Variants in KLHL18 observed in about 807,000 individuals in gnomAD.
KLHL18 encodes the protein kelch like family member 18, also known as kelch-like protein 18.
A neutral mutation model predicts 58.5 loss-of-function variants in KLHL18; 38 were observed. The ratio of observed to expected loss-of-function variants is 0.65; its 90% confidence interval spans 0.50 to 0.85. The LOEUF is 0.85. KLHL18 is among the 40% of genes least tolerant of loss of function. The pLI is 0.00. For missense variants in KLHL18, 624 were observed against 778.4 expected (o/e 0.80, Z 2.36); for synonymous variants, 303 against 301.9 (o/e 1.00, Z -0.04).
At chr3:47,339,304 G>A (rs148927754) in intron 7 of KLHL18, among the ~76,000 whole-genome samples, 1 of 151,978 alleles carries the variant, frequency 6.6e-6, no homozygotes, top group Non-Finnish European at 1.5e-5. Context: ...AGACCAGCCT[G>A]GGCAACATAG....
chr3:47,328,076 A>G (rs1484551133), intron 3 of KLHL18, among the ~76,000 whole-genome samples: 3 of 152,184 alleles, frequency 2.0e-5, no homozygotes, highest in African/African-American at 7.2e-5. Flanking sequence ...CAGTAGTAAG[A>G]AAAACAAGCT....
intron 1 of KLHL18, among the ~76,000 whole-genome samples, chr3:47,292,474 C>CAA (rs77651411): frequency 2.3e-5 from 3 of 131,594 alleles, no homozygotes; most frequent in African/African-American, 2.8e-5. Context: ...AACTCCATCT[C>CAA]AAAAAAAAAA....
At chr3:47,314,547 G>T (rs1703378393) in intron 1 of KLHL18, among the ~76,000 whole-genome samples, 1 of 151,384 alleles carries the variant, frequency 6.6e-6, no homozygotes. Context: ...TGCCCATGCA[G>T]GTCTCGAACT....
intron 3 of KLHL18, 124 bp downstream of exon 3, chr3:47,322,832 C>A: frequency 1.1e-6 from 1 of 877,944 alleles, no homozygotes. Flanking sequence ...AAAGGTTATT[C>A]TGCAGCACTT....
chr3:47,296,642 A>G (rs1159715815), intron 1 of KLHL18, among the ~76,000 whole-genome samples: 2 of 152,176 alleles, frequency 1.3e-5, no homozygotes, highest in Non-Finnish European at 2.9e-5. Context: ...TGACTGTTGC[A>G]TGGAAAGGAT....
At chr3:47,298,835 T>G (rs1453976142) in intron 1 of KLHL18, among the ~76,000 whole-genome samples, 1 of 152,226 alleles carries the variant, frequency 6.6e-6, no homozygotes, top group Non-Finnish European at 1.5e-5. Flanking sequence ...CTAATGCCCA[T>G]GAGGTCCATC....
chr3:47,285,092 C>T (rs1246961545), intron 1 of KLHL18, among the ~76,000 whole-genome samples: 2 of 152,164 alleles, frequency 1.3e-5, no homozygotes, highest in Admixed American at 6.5e-5. Context: ...GGATTACAGG[C>T]GTGAGCCACC....
intron 1 of KLHL18, among the ~76,000 whole-genome samples, chr3:47,302,453 C>T (rs995634446): frequency 6.6e-6 from 1 of 152,172 alleles, no homozygotes; most frequent in Admixed American, 6.5e-5. Context: ...CCACTGCACT[C>T]CAGCATGGCA....
chr3:47,320,762 G>GTTT (rs1477303835), intron 2 of KLHL18, among the ~76,000 whole-genome samples: 1 of 152,008 alleles, frequency 6.6e-6, no homozygotes, highest in African/African-American at 2.4e-5. Context: ...AAAAAAAATT[G>GTTT]TTTTTAATTA....
intron 1 of KLHL18, among the ~76,000 whole-genome samples, chr3:47,284,461 C>T (rs1355729211): frequency 6.6e-6 from 1 of 151,428 alleles, no homozygotes; most frequent in East Asian, 2.0e-4. Flanking sequence ...TCAGCCTCCC[C>T]AGCAGCTGGG....
intron 1 of KLHL18, among the ~76,000 whole-genome samples, chr3:47,310,049 T>C (rs1703262137): frequency 3.3e-5 from 5 of 152,118 alleles, no homozygotes; most frequent in Admixed American, 3.3e-4. Context: ...CATTGTGAGC[T>C]CCTGAAGGTA....
At chr3:47,300,653 T>TTTTTTC (rs1703004568) in intron 1 of KLHL18, among the ~76,000 whole-genome samples, 1 of 144,746 alleles carries the variant, frequency 6.9e-6, no homozygotes, top group Admixed American at 7.0e-5. Flanking sequence ...TTTTTTTTTT[T>TTTTTTC]TTTGAGACAG....
intron 6 of KLHL18, among the ~76,000 whole-genome samples, chr3:47,336,147 G>C (rs558068700): frequency 6.6e-6 from 1 of 152,224 alleles, no homozygotes; most frequent in East Asian, 1.9e-4. Flanking sequence ...GCAGAGGGTG[G>C]GGACACAAAG....
In KLHL18 at chr3:47,346,258, C is replaced by T; in HGVS notation, c.*2317C>T. ...GTAGTGGACTTCCTGAGTCCAATCC[C>T]ACCTCCTGGTGTAGAATTTACACTG... On this transcript the variant is annotated 3_prime_UTR_variant, in exon 10 of 10. Coordinates refer to ENST00000232766, the MANE Select transcript of KLHL18 (RefSeq NM_025010.5). 6.6e-6 allele frequency: 1 copy of T among 152,598 alleles called. No individual in the cohort carries two copies. The allele number at this position is 152,598 out of a possible 1,614,324, so 9.5% of individuals were successfully genotyped here. A position where few individuals can be genotyped will look rare whatever the true frequency, so the allele number is the denominator to read the frequency against.
At chr3:47,340,767 A>G (rs1704092858) in intron 8 of KLHL18, 91 bp downstream of exon 8, 1 of 1,435,246 alleles carries the variant, frequency 7.0e-7, no homozygotes, top group Non-Finnish European at 9.7e-7. Context: ...AAGCTTCTCA[A>G]GGGTAGAGAA....
At chr3:47,325,498 AG>A (rs1371509179) in intron 3 of KLHL18, among the ~76,000 whole-genome samples, 1 of 152,094 alleles carries the variant, frequency 6.6e-6, no homozygotes, top group Non-Finnish European at 1.5e-5. Flanking sequence ...CGCCCAGCCG[AG>A]GGTGCATCAT....
chr3:47,308,686 C>T (rs547333185), intron 1 of KLHL18, among the ~76,000 whole-genome samples: 25 of 152,286 alleles, frequency 1.6e-4, no homozygotes, highest in African/African-American at 4.1e-4. Flanking sequence ...CCACTGTGCC[C>T]GGCCAATATG....
At chr3:47,300,185 A>T (rs1228005114) in intron 1 of KLHL18, among the ~76,000 whole-genome samples, 2 of 104,304 alleles carry the variant, frequency 1.9e-5, no homozygotes, top group African/African-American at 7.5e-5. Context: ...CTCTCTCCCC[A>T]CCTCCTTCTT....
chr3:47,304,540 T>A (rs772314260), intron 1 of KLHL18, among the ~76,000 whole-genome samples: 8 of 152,216 alleles, frequency 5.3e-5, no homozygotes, highest in South Asian at 4.1e-4. Flanking sequence ...CATAAGTATT[T>A]AATTTTTTTA....
Sources: gnomAD v4.1 joint callset for allele counts (sites outside exome capture counted in the v4.1 genomes callset) on GRCh38, gnomAD v4.1.1 for gene constraint, MANE v1.5 for transcripts, NCBI Gene and HGNC (gene_info 2026-07-23, HGNC 2026-07-21) for gene names.